Variants in AGBL3 observed in about 807,000 individuals in gnomAD.
The protein encoded by AGBL3 is cytosolic carboxypeptidase 3.
Under a neutral mutation model 94.5 loss-of-function variants are expected in AGBL3, and 68 were observed. The observed-to-expected ratio is 0.72, with a 90% confidence interval of 0.59 to 0.88. The LOEUF (loss-of-function observed/expected upper bound fraction) is 0.88. Ranked by LOEUF, AGBL3 falls within the 40% of genes least tolerant of loss-of-function variation. AGBL3 has a pLI of 0.00. For missense variants in AGBL3, 934 were observed against 1,103.8 expected (o/e 0.85, Z 2.18); for synonymous variants, 354 against 370.7 (o/e 0.95, Z 0.52).
chr7:135,115,677 T>C, intron 16 of AGBL3, 66 bp downstream of exon 16: 2 of 1,286,820 alleles, frequency 1.6e-6, no homozygotes. Context: ...GCAGGGCTTA[T>C]TAATTTATTA....
intron 16 of AGBL3, among the ~76,000 whole-genome samples, chr7:135,119,989 A>G (rs911159217): frequency 2.0e-5 from 3 of 152,252 alleles, no homozygotes; most frequent in African/African-American, 7.2e-5. Flanking sequence ...AAGCACAATA[A>G]TTTTAATTAT....
intron 8 of AGBL3, among the ~76,000 whole-genome samples, chr7:135,040,536 T>C (rs776774987): frequency 6.6e-6 from 1 of 151,704 alleles, no homozygotes; most frequent in Non-Finnish European, 1.5e-5. Flanking sequence ...ATCTCGTCAA[T>C]TGATATAGAA....
chr7:135,053,043 G>C (rs1818024127), intron 11 of AGBL3, among the ~76,000 whole-genome samples: 1 of 152,082 alleles, frequency 6.6e-6, no homozygotes, highest in Non-Finnish European at 1.5e-5. Flanking sequence ...TATGTATATT[G>C]CCCTTTTGAA....
rs190735472 is a variant in AGBL3 at position 135,006,038 on chromosome 7, A to G, written c.311-11014A>G. On this transcript the variant is annotated intron_variant, in intron 4 of 16. Coordinates refer to ENST00000436302, the MANE Select transcript of AGBL3 (RefSeq NM_178563.4). Reference sequence around the variant, plus strand: ...CTTTATGATCTAGAGCTAAGCAAAGAGTTCTTAGAATTGACATCAAAAACA... The same window carrying G: ...CTTTATGATCTAGAGCTAAGCAAAGGGTTCTTAGAATTGACATCAAAAACA... Among the ~76,000 whole-genome samples, 6 of 151,964 alleles carry G rather than the reference A, an allele frequency of 3.9e-5. No homozygotes were observed. In the East Asian group the frequency reaches 1.2e-3, roughly 29 times the overall value.
At chr7:135,107,614 T>C (rs971103523) in intron 15 of AGBL3, among the ~76,000 whole-genome samples, 1 of 152,216 alleles carries the variant, frequency 6.6e-6, no homozygotes, top group Admixed American at 6.5e-5. Flanking sequence ...TTGCATTTCC[T>C]GAGAATTGTT....
intron 14 of AGBL3, among the ~76,000 whole-genome samples, chr7:135,080,748 T>TG (rs968883501): frequency 2.0e-5 from 3 of 151,338 alleles, no homozygotes; most frequent in East Asian, 1.9e-4. Flanking sequence ...ATCTCTGTTT[T>TG]TTTTTTTTTT....
chr7:135,118,607 A>G (rs924947712), intron 16 of AGBL3, among the ~76,000 whole-genome samples: 2 of 152,248 alleles, frequency 1.3e-5, no homozygotes, highest in South Asian at 2.1e-4. Flanking sequence ...GAAAGTGTCT[A>G]TGTTTTAATC....
intron 4 of AGBL3, chr7:135,011,042 T>A (rs1052273450): frequency 7.9e-5 from 12 of 152,298 alleles, no homozygotes; most frequent in African/African-American, 2.4e-4. Flanking sequence ...TTACTAGCTC[T>A]TAAACCTTAA....
At chr7:135,046,845 A>G (rs1289165116) in intron 11 of AGBL3, among the ~76,000 whole-genome samples, 1 of 152,072 alleles carries the variant, frequency 6.6e-6, no homozygotes, top group Non-Finnish European at 1.5e-5. Context: ...ATCAAGGAGC[A>G]TGGTTGCTAG....
At chr7:134,995,820 G>A (rs1461834252) in intron 4 of AGBL3, among the ~76,000 whole-genome samples, 1 of 152,164 alleles carries the variant, frequency 6.6e-6, no homozygotes, top group Non-Finnish European at 1.5e-5. Flanking sequence ...CTATGCCACT[G>A]TTCTTTTATT....
At chr7:135,107,834 T>C (rs949113436) in intron 15 of AGBL3, among the ~76,000 whole-genome samples, 29 of 152,198 alleles carry the variant, frequency 1.9e-4, no homozygotes, top group African/African-American at 6.5e-4. Context: ...CACTATTTTG[T>C]GTGGGAATCT....
intron 12 of AGBL3, among the ~76,000 whole-genome samples, chr7:135,065,604 G>A (rs994456168): frequency 7.2e-5 from 11 of 152,158 alleles, no homozygotes; most frequent in Admixed American, 1.3e-4. Flanking sequence ...AAAAAATAGT[G>A]TTGGTGGCTG....
At chr7:135,100,155 G>C (rs1391868504) in intron 15 of AGBL3, 1 of 150,938 alleles carries the variant, frequency 6.6e-6, no homozygotes, top group African/African-American at 2.4e-5. Context: ...CAAAATGCTG[G>C]GATTACAGGC....
At chr7:135,050,693 A>C (rs1012789115) in intron 11 of AGBL3, among the ~76,000 whole-genome samples, 1 of 151,694 alleles carries the variant, frequency 6.6e-6, no homozygotes, top group Non-Finnish European at 1.5e-5. Context: ...ACAGTTTTTT[A>C]CTTAAAGTCT....
chr7:135,065,194 A>G (rs1157160425), intron 12 of AGBL3, among the ~76,000 whole-genome samples: 2 of 152,258 alleles, frequency 1.3e-5, no homozygotes, highest in Non-Finnish European at 2.9e-5. Flanking sequence ...GAAGACACAA[A>G]TAAATGGAAA....
intron 5 of AGBL3, among the ~76,000 whole-genome samples, chr7:135,019,997 C>T (rs1814250765): frequency 6.6e-6 from 1 of 152,140 alleles, no homozygotes; most frequent in South Asian, 2.1e-4. Flanking sequence ...AGGACATAGG[C>T]ATGGGCAAGG....
At chr7:135,109,727 G>A (rs1304809188) in intron 15 of AGBL3, among the ~76,000 whole-genome samples, 1 of 152,232 alleles carries the variant, frequency 6.6e-6, no homozygotes, top group East Asian at 1.9e-4. Flanking sequence ...ATGGGATCCA[G>A]TGCCTGTGTG....
At chr7:135,129,424 A>C (rs766046378) in intron 16 of AGBL3, 1 of 789,850 alleles carries the variant, frequency 1.3e-6, no homozygotes, top group Non-Finnish European at 2.3e-6. Context: ...GTGATTCAGA[A>C]GGCACTGGAA....
intron 16 of AGBL3, among the ~76,000 whole-genome samples, chr7:135,116,132 A>G (rs932933672): frequency 3.9e-5 from 6 of 152,214 alleles, no homozygotes; most frequent in African/African-American, 1.2e-4. Context: ...TTATCAACAG[A>G]TTTTTATAAT....
Sources: allele counts gnomAD v4.1 joint callset (sites outside exome capture counted in the v4.1 genomes callset), GRCh38; gene constraint gnomAD v4.1.1; transcripts MANE v1.5; gene names NCBI Gene and HGNC (gene_info 2026-07-23, HGNC 2026-07-21).